The following LIN28B variants were observed in gnomAD, a reference collection of about 807,000 sequenced individuals.
LIN28B encodes the protein protein lin-28 homolog B.
Under a neutral mutation model 21.9 loss-of-function variants are expected in LIN28B, and 5 were observed. That is an observed-to-expected ratio of 0.23 (90% CI 0.12 to 0.48). The LOEUF (loss-of-function observed/expected upper bound fraction) is 0.48. Among genes scored for constraint, LIN28B ranks in the 20% least tolerant of loss-of-function variants. LIN28B has a pLI of 0.98. For synonymous variants in LIN28B, 109 were observed against 111.3 expected, an observed-to-expected ratio of 0.98 and a Z score of 0.13; for missense variants, 245 against 310.5, an observed-to-expected ratio of 0.79 and a Z score of 1.58.
rs191547006 is a variant in LIN28B, at chr6:105,020,704, C to A, written c.199-5594C>A. ...GAATTCTCATCATCCACCTCCCTCC[C>A]AACCCCTCACCCTTCTGAGTCTCTA... On this transcript the variant is annotated intron_variant, in intron 2 of 3. Transcript: ENST00000345080. Among the ~76,000 whole-genome samples the A allele has an allele frequency of 1.4e-3, 219 of 151,908 alleles. 1 individual carries two copies. The highest frequency in any genetic ancestry group is 5.0e-3 in the African/African-American group (207 of 41,444).
At chr6:105,041,511 G>T (rs1771636220) in intron 3 of LIN28B, among the ~76,000 whole-genome samples, 1 of 152,092 alleles carries the variant, frequency 6.6e-6, no homozygotes, top group Admixed American at 6.5e-5. Flanking sequence ...ACAGGTTTCA[G>T]TATGAAGTTC....
At chr6:105,023,259 AATT>A (rs1178606227) in intron 2 of LIN28B, among the ~76,000 whole-genome samples, 7 of 81,256 alleles carry the variant, frequency 8.6e-5, no homozygotes, top group South Asian at 3.6e-4. Context: ...ATTTATATAT[AATT>A]ATTATTTATT....
At chr6:104,962,690 T>C (rs1332583115) in intron 2 of LIN28B, among the ~76,000 whole-genome samples, 1 of 152,194 alleles carries the variant, frequency 6.6e-6, no homozygotes, top group African/African-American at 2.4e-5. Context: ...AAAACAAATT[T>C]ATTTCAGTAT....
At chr6:104,964,826 G>A (rs1439778960) in intron 2 of LIN28B, among the ~76,000 whole-genome samples, 1 of 152,024 alleles carries the variant, frequency 6.6e-6, no homozygotes, top group Non-Finnish European at 1.5e-5. Flanking sequence ...TCTGATTATT[G>A]CTTCTTCTTT....
intron 2 of LIN28B, among the ~76,000 whole-genome samples, chr6:104,942,321 TC>T (rs1778106125): frequency 6.6e-6 from 1 of 152,168 alleles, no homozygotes; most frequent in Non-Finnish European, 1.5e-5. Flanking sequence ...TATTAATGTT[TC>T]TTTTTTTGGT....
chr6:104,968,791 AT>A (rs970208573), intron 2 of LIN28B, among the ~76,000 whole-genome samples: 7 of 151,438 alleles, frequency 4.6e-5, no homozygotes, highest in African/African-American at 7.3e-5. Context: ...AACTTAGCTT[AT>A]TTTTTTTTCT....
rs1772572401 is a variant in LIN28B at position 105,083,304 on chromosome 6, A to G, written c.*4521A>G. ...TGAGGTTTAAAAAAATTACTTGATT[A>G]AAAATAAAACATATAACGTTGGCAT... On this transcript the variant is annotated 3_prime_UTR_variant, in exon 4 of 4. Transcript: ENST00000345080. 1 of 152,400 alleles carries G rather than the reference A, an allele frequency of 6.6e-6. No homozygotes were observed. The highest frequency in any genetic ancestry group is 2.1e-4 in the South Asian group (1 of 4,824). The allele number at this position is 152,400 out of a possible 1,614,324, so 9.4% of individuals were successfully genotyped here.
chr6:104,987,463 C>G (rs1225491627), intron 2 of LIN28B, among the ~76,000 whole-genome samples: 1 of 152,062 alleles, frequency 6.6e-6, no homozygotes, highest in South Asian at 2.1e-4. Flanking sequence ...GCCGCCTCAG[C>G]CTCCTTAGTA....
chr6:104,950,681 A>C (rs1202863428), intron 3 of LIN28B, among the ~76,000 whole-genome samples: 1 of 152,064 alleles, frequency 6.6e-6, no homozygotes, highest in Non-Finnish European at 1.5e-5. Context: ...CCATCTAAAA[A>C]ACTGGTGTTC....
chr6:105,044,986 G>A (rs1427658059), intron 3 of LIN28B, among the ~76,000 whole-genome samples: 3 of 152,074 alleles, frequency 2.0e-5, no homozygotes, highest in Non-Finnish European at 4.4e-5. Context: ...AGGCAATATA[G>A]TGTGACCCTA....
Position 104,967,742 on chromosome 6 carries a change from G to A in LIN28B, c.198+9456G>A, listed in dbSNP as rs551638715. Among the ~76,000 whole-genome samples the A allele has an allele frequency of 1.6e-3, 246 of 151,806 alleles. 2 individuals carry two copies. In the South Asian group the frequency reaches 0.021, roughly 13 times the overall value. ...TCACCCAGGCTGGCGTGCAGTGGTG[G>A]GATTATAGCTCACTGCAACTTCGAA... On this transcript the variant is annotated intron_variant, in intron 2 of 3. Coordinates refer to ENST00000345080, the MANE Select transcript of LIN28B (RefSeq NM_001004317.4).
chr6:105,076,688 A>G (rs909868838), intron 3 of LIN28B, among the ~76,000 whole-genome samples: 1 of 151,642 alleles, frequency 6.6e-6, no homozygotes, highest in African/African-American at 2.4e-5. Flanking sequence ...GCTTACTGCA[A>G]CCTCCGCCTC....
intron 2 of LIN28B, 101 bp downstream of exon 2, chr6:104,958,387 T>C (rs1769626917): frequency 2.1e-6 from 2 of 957,234 alleles, no homozygotes; most frequent in Non-Finnish European, 3.0e-6. Context: ...CTTCGGTATA[T>C]TGAAAGACAA....
intron 2 of LIN28B, among the ~76,000 whole-genome samples, chr6:104,966,360 C>T (rs1446745853): frequency 6.6e-6 from 1 of 151,994 alleles, no homozygotes; most frequent in Non-Finnish European, 1.5e-5. Context: ...AAATAATACA[C>T]ATGAAAATAA....
At chr6:104,960,607 T>C (rs538865765) in intron 2 of LIN28B, among the ~76,000 whole-genome samples, 21 of 152,060 alleles carry the variant, frequency 1.4e-4, no homozygotes, top group Non-Finnish European at 3.1e-4. Flanking sequence ...CATGTGTCAC[T>C]GGATTTTTTT....
At chr6:105,067,900 C>A (rs1042091022) in intron 3 of LIN28B, among the ~76,000 whole-genome samples, 3 of 152,130 alleles carry the variant, frequency 2.0e-5, no homozygotes, top group African/African-American at 7.2e-5. Context: ...GATTTCTCTC[C>A]CCTTCCATGT....
intron 3 of LIN28B, among the ~76,000 whole-genome samples, chr6:105,032,806 C>T (rs1024626053): frequency 6.6e-6 from 1 of 152,060 alleles, no homozygotes; most frequent in Non-Finnish European, 1.5e-5. Flanking sequence ...TTAATAGCTA[C>T]TGATATTAAG....
chr6:104,993,807 G>A (rs980905679), intron 2 of LIN28B, among the ~76,000 whole-genome samples: 1 of 145,874 alleles, frequency 6.9e-6, no homozygotes, highest in Non-Finnish European at 1.5e-5. Flanking sequence ...TGCACTTCCA[G>A]CCTGGATGAC....
chr6:104,983,962 T>G (rs982696995), intron 2 of LIN28B, among the ~76,000 whole-genome samples: 1 of 152,236 alleles, frequency 6.6e-6, no homozygotes, highest in South Asian at 2.1e-4. Flanking sequence ...TATGTACTTA[T>G]GGACTATGAC....
Sources: allele counts gnomAD v4.1 joint callset (sites outside exome capture counted in the v4.1 genomes callset), GRCh38; gene constraint gnomAD v4.1.1; transcripts MANE v1.5; gene names NCBI Gene and HGNC (gene_info 2026-07-23, HGNC 2026-07-21).